The following CENPW variants were observed in gnomAD, a reference collection of about 807,000 sequenced individuals.
The protein encoded by CENPW is centromere protein W.
CENPW carries 3 observed loss-of-function variants against 11.1 expected under a neutral mutation model. The observed-to-expected ratio is 0.27, with a 90% CI of 0.12 to 0.70. The LOEUF is 0.70. Among genes scored for constraint, CENPW ranks in the 30% least tolerant of loss-of-function variants. The pLI is 0.77. For missense variants in CENPW, 100 were observed against 105.6 expected (o/e 0.95, Z 0.23); for synonymous variants, 38 against 42.0 (o/e 0.91, Z 0.37).
the CENPW span, among the ~76,000 whole-genome samples, chr6:126,468,259 A>G: frequency 6.6e-6 from 1 of 151,944 alleles, no homozygotes; most frequent in Non-Finnish European, 1.5e-5. Flanking sequence ...CATCTCTACT[A>G]AAAATACAAA....
At chr6:126,343,864 TACAC>T (rs1780358108) in intron 1 of CENPW, among the ~76,000 whole-genome samples, 2 of 152,292 alleles carry the variant, frequency 1.3e-5, no homozygotes, top group East Asian at 3.9e-4. Flanking sequence ...CAGCACCACC[TACAC>T]ACACACCCAG....
At chr6:126,453,907 C>T in the CENPW span, among the ~76,000 whole-genome samples, 1 of 151,032 alleles carries the variant, frequency 6.6e-6, no homozygotes, top group Non-Finnish European at 1.5e-5. Context: ...GGTTGTAAGT[C>T]TAACTTCAGA....
chr6:126,414,685 C>A, the CENPW span, among the ~76,000 whole-genome samples: 2 of 151,664 alleles, frequency 1.3e-5, no homozygotes, highest in Admixed American at 1.3e-4. Context: ...AAAAAGATTT[C>A]AAGTAAATGA....
the CENPW span, among the ~76,000 whole-genome samples, chr6:126,411,920 CCCT>C: frequency 1.1e-5 from 1 of 90,072 alleles, no homozygotes; most frequent in African/African-American, 4.2e-5. Flanking sequence ...CCCTCCCCCT[CCCT>C]CCTTTCTTCT....
chr6:126,388,305 C>T, the CENPW span, among the ~76,000 whole-genome samples: 1 of 151,894 alleles, frequency 6.6e-6, no homozygotes, highest in African/African-American at 2.4e-5. Flanking sequence ...TTTGGCCGTG[C>T]TCTTGTAATC....
the CENPW span, among the ~76,000 whole-genome samples, chr6:126,387,072 C>G: frequency 6.6e-6 from 1 of 151,814 alleles, no homozygotes; most frequent in Non-Finnish European, 1.5e-5. Flanking sequence ...AACAATAAAT[C>G]TAGAGTATAA....
the CENPW span, among the ~76,000 whole-genome samples, chr6:126,382,179 G>A: frequency 2.6e-5 from 4 of 152,136 alleles, no homozygotes; most frequent in Non-Finnish European, 5.9e-5. Flanking sequence ...GGAGGTTGCA[G>A]TGAGCCGAGA....
the CENPW span, among the ~76,000 whole-genome samples, chr6:126,400,340 T>G: frequency 6.6e-6 from 1 of 152,116 alleles, no homozygotes. Context: ...TTATTATTGG[T>G]TATTCATATA....
At chr6:126,432,195 G>T in the CENPW span, among the ~76,000 whole-genome samples, 1 of 151,628 alleles carries the variant, frequency 6.6e-6, no homozygotes, top group South Asian at 2.1e-4. Flanking sequence ...GCATTCATGT[G>T]CTCTCAAATT....
In CENPW at chr6:126,340,143, G is replaced by A. The variant is rs1028486958; in HGVS notation, c.-131G>A. The A allele has an allele frequency of 1.5e-5, 13 of 849,154 alleles. No individual in the cohort carries two copies. In the African/African-American group the frequency reaches 1.9e-4, roughly 12 times the overall value. 52.6% of individuals were successfully genotyped at this position (849,154 alleles called of 1,614,324 possible). On this transcript the variant is annotated 5_prime_UTR_variant, in exon 1 of 3. Coordinates refer to ENST00000368328, the MANE Select transcript of CENPW (RefSeq NM_001012507.4). ...CCGTTGGCGGCGGATTCGAACGTTC[G>A]GACTGAGGTTTTTCTGCCTGAAGAA...
chr6:126,388,184 A>G, the CENPW span, among the ~76,000 whole-genome samples: 1 of 152,040 alleles, frequency 6.6e-6, no homozygotes, highest in Non-Finnish European at 1.5e-5. Context: ...ATGAGCTAAG[A>G]TATAAGCATA....
chr6:126,473,398 T>C, the CENPW span, among the ~76,000 whole-genome samples: 3 of 152,108 alleles, frequency 2.0e-5, no homozygotes, highest in Admixed American at 6.6e-5. Context: ...CTAAGTATTT[T>C]TATCTTAACT....
At chr6:126,481,809 GTTCA>G in the CENPW span, among the ~76,000 whole-genome samples, 6 of 151,970 alleles carry the variant, frequency 3.9e-5, no homozygotes, top group Non-Finnish European at 8.8e-5. Flanking sequence ...AGATCTAATT[GTTCA>G]TTCAATCTTA....
chr6:126,461,169 G>T, the CENPW span, among the ~76,000 whole-genome samples: 1 of 151,770 alleles, frequency 6.6e-6, no homozygotes, highest in African/African-American at 2.4e-5. Context: ...GGTGGGAAAT[G>T]ATTGAATCAT....
the CENPW span, among the ~76,000 whole-genome samples, chr6:126,394,212 T>A: frequency 1.8e-5 from 2 of 110,608 alleles, no homozygotes; most frequent in Admixed American, 2.3e-4. Context: ...TTCCTTCTTT[T>A]ATTTTTTTTC....
the CENPW span, among the ~76,000 whole-genome samples, chr6:126,425,029 G>A: frequency 6.6e-6 from 1 of 152,046 alleles, no homozygotes; most frequent in Non-Finnish European, 1.5e-5. Flanking sequence ...CATATCTAAC[G>A]TGGCTCTATT....
chr6:126,372,025 C>G, the CENPW span, among the ~76,000 whole-genome samples: 4 of 151,268 alleles, frequency 2.6e-5, no homozygotes, highest in East Asian at 1.9e-4. Context: ...TTTATCTTTG[C>G]GAGGAACCAG....
chr6:126,418,867 TG>T, the CENPW span, among the ~76,000 whole-genome samples: 3 of 128,530 alleles, frequency 2.3e-5, no homozygotes, highest in Non-Finnish European at 3.1e-5. Flanking sequence ...CACTCATAGG[TG>T]GGAATTGAAC....
At chr6:126,480,378 G>C in the CENPW span, among the ~76,000 whole-genome samples, 1 of 151,956 alleles carries the variant, frequency 6.6e-6, no homozygotes, top group Non-Finnish European at 1.5e-5. Flanking sequence ...ACCAATGCTG[G>C]CTTTGAAAAT....
Sources: gnomAD v4.1 joint callset for allele counts (sites outside exome capture counted in the v4.1 genomes callset) on GRCh38, gnomAD v4.1.1 for gene constraint, MANE v1.5 for transcripts, NCBI Gene and HGNC (gene_info 2026-07-23, HGNC 2026-07-21) for gene names.